The following MCC variants were observed in gnomAD, a reference collection of about 807,000 sequenced individuals.
The protein encoded by MCC is colorectal mutant cancer protein.
MCC carries 90 observed loss-of-function variants against 116.2 expected under a neutral mutation model. That is an observed-to-expected ratio of 0.77 (90% CI 0.65 to 0.92). The LOEUF (loss-of-function observed/expected upper bound fraction) is 0.92. Ranked by LOEUF, MCC falls within the 40% of genes least tolerant of loss-of-function variation. The pLI is 0.00. For missense variants in MCC, 1,516 were observed against 1,312.2 expected, an observed-to-expected ratio of 1.16 and a Z score of -2.40; for synonymous variants, 578 against 510.5, an observed-to-expected ratio of 1.13 and a Z score of -1.78.
chr5:113,297,912 A>C (rs2150363792), intron 3 of MCC, among the ~76,000 whole-genome samples: 1 of 152,302 alleles, frequency 6.6e-6, no homozygotes, highest in African/African-American at 2.4e-5. Context: ...CAACAAAATT[A>C]GGAATTCCAG....
intron 3 of MCC, among the ~76,000 whole-genome samples, chr5:113,241,140 A>C (rs376581043): frequency 1.3e-4 from 20 of 152,356 alleles, no homozygotes; most frequent in African/African-American, 4.6e-4. Context: ...ATATTGCTCT[A>C]AACTGTACAG....
chr5:113,061,279 T>C (rs763271607), intron 14 of MCC, among the ~76,000 whole-genome samples: 10 of 152,172 alleles, frequency 6.6e-5, no homozygotes, highest in Non-Finnish European at 1.3e-4. Flanking sequence ...TCTCTGAGAG[T>C]ACAGACTTGC....
chr5:113,455,504 G>A (rs559401034), intron 1 of MCC, among the ~76,000 whole-genome samples: 1 of 152,282 alleles, frequency 6.6e-6, no homozygotes, highest in South Asian at 2.1e-4. Context: ...ATAGGCATTT[G>A]CAAGAGATGG....
intron 6 of MCC, among the ~76,000 whole-genome samples, chr5:113,116,213 A>G (rs560871928): frequency 6.6e-5 from 10 of 152,348 alleles, no homozygotes; most frequent in African/African-American, 1.9e-4. Flanking sequence ...CAGGAGTGAG[A>G]GGATTTCCAC....
intron 3 of MCC, among the ~76,000 whole-genome samples, chr5:113,262,823 A>G (rs1044533156): frequency 6.6e-6 from 1 of 152,106 alleles, no homozygotes; most frequent in Admixed American, 6.5e-5. Context: ...GATAATTTGC[A>G]TTTCTAACAA....
chr5:113,457,583 C>T (rs1056329285), intron 1 of MCC, among the ~76,000 whole-genome samples: 12 of 152,214 alleles, frequency 7.9e-5, no homozygotes, highest in Admixed American at 2.6e-4. Context: ...GTGCAGGATC[C>T]ACTGGGTGAA....
At chr5:113,427,194 A>T (rs1309369814) in intron 1 of MCC, among the ~76,000 whole-genome samples, 3 of 152,234 alleles carry the variant, frequency 2.0e-5, no homozygotes, top group African/African-American at 7.2e-5. Context: ...AAGGATATTT[A>T]TACCAGCTTA....
At chr5:113,465,440 T>A (rs1425894064) in intron 1 of MCC, among the ~76,000 whole-genome samples, 2 of 152,058 alleles carry the variant, frequency 1.3e-5, no homozygotes, top group African/African-American at 4.8e-5. Context: ...AAGAAAATAA[T>A]GTCAATATTT....
At chr5:113,049,818 C>CA (rs1476310042) in intron 15 of MCC, among the ~76,000 whole-genome samples, 4 of 152,198 alleles carry the variant, frequency 2.6e-5, no homozygotes, top group African/African-American at 9.7e-5. Flanking sequence ...AGGCATGCGG[C>CA]GAATGCCTGC....
intron 3 of MCC, among the ~76,000 whole-genome samples, chr5:113,186,413 G>C (rs1761900248): frequency 6.6e-6 from 1 of 152,100 alleles, no homozygotes; most frequent in South Asian, 2.1e-4. Flanking sequence ...ATTTCCCAAG[G>C]CCCGCAGCAG....
chr5:113,138,145 T>C (rs897709727), intron 5 of MCC, among the ~76,000 whole-genome samples: 1 of 151,932 alleles, frequency 6.6e-6, no homozygotes, highest in Non-Finnish European at 1.5e-5. Context: ...GCCTCCCAAG[T>C]AGTTGGGACT....
intron 3 of MCC, among the ~76,000 whole-genome samples, chr5:113,225,840 G>C (rs1216286497): frequency 2.6e-5 from 4 of 152,180 alleles, no homozygotes; most frequent in African/African-American, 9.7e-5. Flanking sequence ...AAAAACCAAG[G>C]TTAAAGTGAG....
chr5:113,103,777 C>G (rs767774072), intron 7 of MCC, among the ~76,000 whole-genome samples: 2 of 152,166 alleles, frequency 1.3e-5, no homozygotes, highest in Non-Finnish European at 2.9e-5. Context: ...ATTCCTGTCA[C>G]CATCTCAAAC....
chr5:113,155,008 C>A (rs1760092451), intron 3 of MCC, among the ~76,000 whole-genome samples: 1 of 152,152 alleles, frequency 6.6e-6, no homozygotes, highest in Non-Finnish European at 1.5e-5. Context: ...TACCCATTAA[C>A]CAACCTCTCT....
chr5:113,049,376 T>G (rs28510443), intron 15 of MCC, 77 bp from the exon 16 acceptor site: 2 of 1,286,454 alleles, frequency 1.6e-6, no homozygotes, highest in Non-Finnish European at 2.1e-6. Context: ...AGTGGGTGGG[T>G]GGGGGGTCCC....
At position 113,332,488 on chromosome 5, in the gene MCC, C is replaced by G. The variant is rs530597032; in HGVS notation, c.627+8031G>C. Among the ~76,000 whole-genome samples, 49 of 148,154 alleles carry G rather than the reference C, an allele frequency of 3.3e-4. 1 individual carries two copies. The highest frequency in any genetic ancestry group is 1.1e-3 in the African/African-American group (45 of 39,318). On this transcript the variant is annotated intron_variant, in intron 3 of 18. Transcript: ENST00000408903. ...ACTTTGGGAGTCTGAGGTGGGAAGA[C>G]TGCTTGAGCCCAAGAGGTCAAGACT...
rs147171021 is a variant in MCC at position 113,103,287 on chromosome 5, T to C, written c.1191+905A>G. 3.9e-5 allele frequency among the ~76,000 whole-genome samples: 6 copies of C among 152,306 alleles called. No individual in the cohort carries two copies. The East Asian group carries it at 1.2e-3, about 29-fold the overall frequency. On this transcript the variant is annotated intron_variant, in intron 7 of 18. Transcript: ENST00000408903. ...CTTCCTTTAAATCTGGAGACTCTCA[T>C]CCTACTTGGCTCTGCTCCAGACCCT...
chr5:113,197,504 T>C (rs910128411), intron 3 of MCC, among the ~76,000 whole-genome samples: 2 of 152,180 alleles, frequency 1.3e-5, no homozygotes, highest in East Asian at 3.9e-4. Flanking sequence ...ATGTGAATTA[T>C]ATCTCAAAGC....
chr5:113,434,809 C>T lies in MCC; in HGVS notation c.171-49597G>A. ...CCTAAATTTATCCCCAGGAGGTAGC[C>T]TCGTCGCTTGAGGACAGCAGCGTCA... On this transcript the variant is annotated intron_variant, in intron 1 of 18. Coordinates refer to ENST00000408903, the MANE Select transcript of MCC (RefSeq NM_001085377.2). The surrounding 1 kb of genome is among the most constrained non-coding windows in gnomAD (Gnocchi z 4.2). 6.2e-7 allele frequency: 1 copy of T among 1,612,254 alleles called. No homozygotes were observed. Among genetic ancestry groups the T allele is most frequent in the Non-Finnish European group, 8.5e-7 (1 of 1,178,516 alleles).
Sources: gnomAD v4.1 joint callset for allele counts (sites outside exome capture counted in the v4.1 genomes callset) on GRCh38, gnomAD v4.1.1 for gene constraint, Gnocchi (gnomAD v3.1) non-coding constraint, MANE v1.5 for transcripts, NCBI Gene and HGNC (gene_info 2026-07-23, HGNC 2026-07-21) for gene names.